ASIC2: variants seen among roughly 807,000 people sequenced by gnomAD.
ASIC2 encodes acid-sensing ion channel 2.
Under a neutral mutation model 57.3 loss-of-function variants are expected in ASIC2, and 25 were observed. The observed-to-expected ratio is 0.44, with a 90% CI of 0.32 to 0.61. The LOEUF (loss-of-function observed/expected upper bound fraction) is 0.61. Ranked by LOEUF, ASIC2 falls within the 20% of genes least tolerant of loss-of-function variation. The probability of loss-of-function intolerance (pLI) is 0.06; values close to 1 mark genes in which losing one functional copy is unlikely to be tolerated. For missense variants in ASIC2, 641 were observed against 738.1 expected (o/e 0.87, Z 1.52); for synonymous variants, 319 against 307.5 (o/e 1.04, Z -0.39).
intron 1 of ASIC2, among the ~76,000 whole-genome samples, chr17:33,842,757 A>G (rs907047221): frequency 6.6e-6 from 1 of 152,228 alleles, no homozygotes; most frequent in Non-Finnish European, 1.5e-5. Flanking sequence ...AAGATTGGAC[A>G]GTGAGAGAGG....
At chr17:33,228,774 C>G (rs751822482) in intron 1 of ASIC2, among the ~76,000 whole-genome samples, 7 of 152,230 alleles carry the variant, frequency 4.6e-5, no homozygotes, top group African/African-American at 1.7e-4. Context: ...TGTACTGGAG[C>G]CAAGGCCTGT....
Position 34,156,327 on chromosome 17 carries a change from G to A in ASIC2, c.206C>T (p.Ser69Phe). 1.2e-6 allele frequency: 2 copies of A among 1,614,212 alleles called. No individual in the cohort carries two copies. Among genetic ancestry groups the A allele is most frequent in the Non-Finnish European group, 1.7e-6 (2 of 1,180,044 alleles). Residue 69 changes from serine to phenylalanine, a missense_variant, in exon 1 of 10, where the codon TCC (serine) becomes TTC (phenylalanine). Transcript: ENST00000359872. This position sits in a 1 kb window ranked among gnomAD's most constrained non-coding sequence, Gnocchi z 4.4. ...GTCCACCTTAGTGACATGCTGGTAGGAGAAGTAGTAGGACACCCTCTCAGA... is the reference window on the plus strand; with the variant it reads ...GTCCACCTTAGTGACATGCTGGTAGAAGAAGTAGTAGGACACCCTCTCAGA...
chr17:33,257,453 T>C (rs1909120848), intron 1 of ASIC2, among the ~76,000 whole-genome samples: 1 of 152,180 alleles, frequency 6.6e-6, no homozygotes, highest in Non-Finnish European at 1.5e-5. Context: ...ATTTCACACT[T>C]TTAGTATATA....
intron 1 of ASIC2, among the ~76,000 whole-genome samples, chr17:33,260,761 C>T (rs1909250699): frequency 6.6e-6 from 1 of 152,198 alleles, no homozygotes; most frequent in Non-Finnish European, 1.5e-5. Context: ...AGCCCCCGTC[C>T]CTTCCCAGGG....
intron 1 of ASIC2, among the ~76,000 whole-genome samples, chr17:33,659,824 A>C (rs1017862447): frequency 3.9e-5 from 6 of 151,922 alleles, no homozygotes; most frequent in African/African-American, 1.2e-4. Context: ...GTGAGCCGAG[A>C]TCGCGCCACT....
chr17:33,019,589 G>A (rs76634695), intron 7 of ASIC2, among the ~76,000 whole-genome samples: 12 of 152,112 alleles, frequency 7.9e-5, no homozygotes, highest in East Asian at 7.7e-4. Flanking sequence ...AGAAAGGGCC[G>A]TGCGGTGCTG....
At chr17:33,196,198 G>A in intron 1 of ASIC2, among the ~76,000 whole-genome samples, 1 of 152,198 alleles carries the variant, frequency 6.6e-6, no homozygotes, top group East Asian at 1.9e-4. Context: ...GGAACTTGGA[G>A]AGGTTAAACA....
chr17:33,760,108 T>C (rs1910736393), intron 1 of ASIC2, among the ~76,000 whole-genome samples: 1 of 152,166 alleles, frequency 6.6e-6, no homozygotes, highest in Admixed American at 6.5e-5. Flanking sequence ...CAGAGCAGTT[T>C]GTTAAAATTG....
rs542854370 is a variant in ASIC2 at position 33,913,374 on chromosome 17, T to A, written c.555+242604A>T. ...AATTGTTGTGTCTATCCCATGGCAA[T>A]CCCTAAGTTACGACTAATAAAATAC... On this transcript the variant is annotated intron_variant, in intron 1 of 9. Coordinates refer to the ASIC2 transcript ENST00000359872. Among the ~76,000 whole-genome samples, 5 of 152,196 alleles carry A rather than the reference T, an allele frequency of 3.3e-5. No homozygotes were observed. In the South Asian group the frequency reaches 1.0e-3, roughly 32 times the overall value.
At chr17:33,415,531 T>TGAGA (rs35030035) in intron 1 of ASIC2, among the ~76,000 whole-genome samples, 1 of 151,552 alleles carries the variant, frequency 6.6e-6, no homozygotes, top group East Asian at 2.0e-4. Flanking sequence ...TGGATTTTTC[T>TGAGA]GAGAGAGAGA....
chr17:33,105,761 G>A lies in ASIC2; in HGVS notation c.859+6156C>T, dbSNP rs574397981. Among the ~76,000 whole-genome samples, 55 of 152,310 alleles carry A rather than the reference G, an allele frequency of 3.6e-4. 2 individuals are homozygous for A. The South Asian group carries it at 0.011, about 29-fold the overall frequency. ...TTGACCAAAATGCTGACAGTGACAT[G>A]GACAATGAAGTCCAGGCTGAGGTGG... On this transcript the variant is annotated intron_variant, in intron 2 of 9. Coordinates refer to ENST00000225823, the MANE Select transcript of ASIC2 (RefSeq NM_183377.2).
chr17:33,045,280 C>A (rs887139063), intron 3 of ASIC2, among the ~76,000 whole-genome samples: 8 of 152,352 alleles, frequency 5.3e-5, no homozygotes, highest in South Asian at 2.1e-4. Flanking sequence ...AACATAAGAG[C>A]CGCCTCAGCA....
chr17:33,973,938 A>G (rs1300331391), intron 1 of ASIC2, among the ~76,000 whole-genome samples: 1 of 152,050 alleles, frequency 6.6e-6, no homozygotes, highest in African/African-American at 2.4e-5. Context: ...TGCTTAAGAC[A>G]TCTCCATGCA....
chr17:33,324,679 C>T (rs1257309049), intron 1 of ASIC2, among the ~76,000 whole-genome samples: 1 of 152,178 alleles, frequency 6.6e-6, no homozygotes, highest in East Asian at 1.9e-4. Flanking sequence ...GGCCAAGTCA[C>T]TGAACCCACC....
intron 3 of ASIC2, among the ~76,000 whole-genome samples, chr17:33,083,583 C>G (rs1373777184): frequency 6.6e-6 from 1 of 152,166 alleles, no homozygotes; most frequent in African/African-American, 2.4e-5. Flanking sequence ...AGGCCATGAC[C>G]TTTGGGTGGT....
intron 1 of ASIC2, among the ~76,000 whole-genome samples, chr17:33,490,571 A>G (rs1913721174): frequency 6.6e-6 from 1 of 152,212 alleles, no homozygotes; most frequent in African/African-American, 2.4e-5. Context: ...ATGAGATCTG[A>G]TGATTTTATA....
intron 3 of ASIC2, among the ~76,000 whole-genome samples, chr17:33,084,908 C>A (rs2092129025): frequency 1.3e-5 from 2 of 152,126 alleles, no homozygotes; most frequent in South Asian, 4.2e-4. Flanking sequence ...AGAAAGCAAT[C>A]TTTGGACTGG....
Position 33,292,728 on chromosome 17 carries a change from G to A in ASIC2, c.-613C>T. ...TGGGCGGGCGGGGTGGGTGTGTACG[G>A]GGGTGAGTGGTCGCCTTGCCGGCTG... On this transcript the variant is annotated 5_prime_UTR_variant, in exon 1 of 10. Transcript: ENST00000225823. The A allele has an allele frequency of 2.0e-6, 2 of 985,768 alleles. No individual in the cohort carries two copies. The highest frequency in any genetic ancestry group is 2.4e-6 in the Non-Finnish European group (2 of 830,308). The allele number at this position is 985,768 out of a possible 1,614,324, so 61.1% of individuals were successfully genotyped here. A position where few individuals can be genotyped will look rare whatever the true frequency, so the allele number is the denominator to read the frequency against.
intron 1 of ASIC2, among the ~76,000 whole-genome samples, chr17:33,709,791 G>A (rs538807141): frequency 3.5e-4 from 53 of 152,340 alleles, no homozygotes; most frequent in African/African-American, 1.3e-3. Flanking sequence ...CAGAGAGACA[G>A]AACAAGTTCA....
Sources: allele counts gnomAD v4.1 joint callset (sites outside exome capture counted in the v4.1 genomes callset), GRCh38; gene constraint gnomAD v4.1.1; non-coding constraint Gnocchi (gnomAD v3.1); transcripts MANE v1.5; gene names NCBI Gene and HGNC (gene_info 2026-07-23, HGNC 2026-07-21).